Variants in ZFAND3 observed in about 807,000 individuals in gnomAD.
The protein encoded by ZFAND3 is zinc finger AN1-type containing 3.
In ZFAND3, 10 loss-of-function variants were observed where a neutral mutation model predicts 29.6. The observed-to-expected ratio is 0.34, with a 90% CI of 0.21 to 0.57. The LOEUF (loss-of-function observed/expected upper bound fraction) is 0.57. Ranked by LOEUF, ZFAND3 falls within the 20% of genes least tolerant of loss-of-function variation. ZFAND3 has a pLI of 0.86. For synonymous variants in ZFAND3, 128 were observed against 112.6 expected, an observed-to-expected ratio of 1.14 and a Z score of -0.87; for missense variants, 230 against 304.5, an observed-to-expected ratio of 0.76 and a Z score of 1.82.
intron 1 of ZFAND3, among the ~76,000 whole-genome samples, chr6:37,904,586 A>G (rs1237915589): frequency 6.6e-6 from 1 of 152,190 alleles, no homozygotes; most frequent in Admixed American, 6.5e-5. Flanking sequence ...CCCATGTATA[A>G]TGAAAACTGG....
chr6:38,024,465 C>T (rs190957187), intron 2 of ZFAND3, among the ~76,000 whole-genome samples: 1,775 of 127,102 alleles, frequency 0.014, 15 homozygotes, highest in Middle Eastern at 0.039. Flanking sequence ...AGCGAGACTC[C>T]GTCTCAAAAA....
At chr6:38,076,330 A>T (rs531401143) in intron 3 of ZFAND3, among the ~76,000 whole-genome samples, 3 of 152,268 alleles carry the variant, frequency 2.0e-5, no homozygotes, top group African/African-American at 7.2e-5. Flanking sequence ...GAAGCCAAAA[A>T]ATTTGTGCAA....
chr6:38,039,326 A>G (rs547948087), intron 2 of ZFAND3, among the ~76,000 whole-genome samples: 250 of 152,324 alleles, frequency 1.6e-3, no homozygotes, highest in Admixed American at 3.2e-3. Context: ...ATTTTTAGCA[A>G]CTTGAAGATT....
At chr6:37,872,877 G>T (rs1461557922) in intron 1 of ZFAND3, among the ~76,000 whole-genome samples, 1 of 152,194 alleles carries the variant, frequency 6.6e-6, no homozygotes, top group African/African-American at 2.4e-5. Flanking sequence ...ATGCATTTCT[G>T]CAACCTTAGT....
intron 2 of ZFAND3, among the ~76,000 whole-genome samples, chr6:37,971,054 A>G (rs1169948160): frequency 6.6e-6 from 1 of 152,190 alleles, no homozygotes; most frequent in Non-Finnish European, 1.5e-5. Context: ...TGTTGATACA[A>G]GTGTATTTGT....
At chr6:38,113,427 CA>C (rs1765357473) in intron 4 of ZFAND3, among the ~76,000 whole-genome samples, 2 of 152,182 alleles carry the variant, frequency 1.3e-5, no homozygotes. Context: ...CCTACCAGAA[CA>C]AATAACTCAG....
intron 2 of ZFAND3, among the ~76,000 whole-genome samples, chr6:37,967,260 T>A (rs1762309773): frequency 6.6e-6 from 1 of 152,242 alleles, no homozygotes; most frequent in South Asian, 2.1e-4. Flanking sequence ...TGGATTATGA[T>A]CTTCTGTACT....
At chr6:37,899,334 ATAGTG>A (rs1426328359) in intron 1 of ZFAND3, among the ~76,000 whole-genome samples, 3 of 152,132 alleles carry the variant, frequency 2.0e-5, no homozygotes, top group African/African-American at 7.2e-5. Context: ...AGTTGTGGTG[ATAGTG>A]TACCTTCTTA....
At chr6:37,857,145 A>T (rs528549365) in intron 1 of ZFAND3, among the ~76,000 whole-genome samples, 3 of 152,260 alleles carry the variant, frequency 2.0e-5, no homozygotes, top group African/African-American at 7.2e-5. Flanking sequence ...CACCATGTAT[A>T]GCTGTCCTTT....
intron 2 of ZFAND3, among the ~76,000 whole-genome samples, chr6:37,979,983 G>A (rs1762552642): frequency 6.6e-6 from 1 of 152,156 alleles, no homozygotes; most frequent in African/African-American, 2.4e-5. Flanking sequence ...ATTAAACCAA[G>A]CACTGCACCC....
intron 2 of ZFAND3, among the ~76,000 whole-genome samples, chr6:37,931,460 G>A (rs1337340541): frequency 6.6e-6 from 1 of 151,414 alleles, no homozygotes; most frequent in African/African-American, 2.4e-5. Flanking sequence ...CAGGAGAATT[G>A]CTTGAACCTG....
At chr6:37,846,688 A>G (rs1764183274) in intron 1 of ZFAND3, among the ~76,000 whole-genome samples, 1 of 150,914 alleles carries the variant, frequency 6.6e-6, no homozygotes. Flanking sequence ...AGGCAATCCT[A>G]TAATTTATAC....
intron 2 of ZFAND3, among the ~76,000 whole-genome samples, chr6:38,002,402 G>A (rs1762965701): frequency 6.6e-6 from 1 of 151,730 alleles, no homozygotes. Context: ...TTCTAGGCCA[G>A]TTATGTTGGC....
intron 4 of ZFAND3, among the ~76,000 whole-genome samples, chr6:38,103,346 ATG>A (rs1562000122): frequency 6.2e-5 from 2 of 32,260 alleles, no homozygotes; most frequent in African/African-American, 1.1e-4. Flanking sequence ...GTGTGTGTGT[ATG>A]TATATATATA....
chr6:38,132,337 C>T (rs1194776155), intron 5 of ZFAND3, among the ~76,000 whole-genome samples: 3 of 152,104 alleles, frequency 2.0e-5, no homozygotes, highest in Non-Finnish European at 4.4e-5. Context: ...GTAGCAAAAA[C>T]CCGTCTCTAC....
chr6:37,901,205 A>G (rs1040390395), intron 1 of ZFAND3, among the ~76,000 whole-genome samples: 1 of 152,220 alleles, frequency 6.6e-6, no homozygotes, highest in Non-Finnish European at 1.5e-5. Flanking sequence ...AAGTGGTTCT[A>G]TAATCGTATA....
chr6:38,126,712 T>C (rs1562009218), intron 5 of ZFAND3, among the ~76,000 whole-genome samples: 1 of 152,318 alleles, frequency 6.6e-6, no homozygotes, highest in East Asian at 1.9e-4. Context: ...ATGAAGAGTC[T>C]GTTCACACTT....
intron 1 of ZFAND3, among the ~76,000 whole-genome samples, chr6:37,899,618 A>T (rs530733028): frequency 1.3e-4 from 20 of 152,228 alleles, no homozygotes; most frequent in Non-Finnish European, 1.9e-4. Flanking sequence ...CTGTTTAAAT[A>T]GGATTGATCT....
At chr6:38,124,479 C>T (rs1765594326) in intron 5 of ZFAND3, among the ~76,000 whole-genome samples, 1 of 152,182 alleles carries the variant, frequency 6.6e-6, no homozygotes, top group African/African-American at 2.4e-5. Context: ...GAGCCCTGCC[C>T]TGCCGGGAGG....
Sources: allele counts gnomAD v4.1 joint callset (sites outside exome capture counted in the v4.1 genomes callset), GRCh38; gene constraint gnomAD v4.1.1; transcripts MANE v1.5; gene names NCBI Gene and HGNC (gene_info 2026-07-23, HGNC 2026-07-21).